The following CPNE4 variants were observed in gnomAD, a reference collection of about 807,000 sequenced individuals.
CPNE4 encodes copine 4.
Under a neutral mutation model 67.9 loss-of-function variants are expected in CPNE4, and 25 were observed. The observed-to-expected ratio is 0.37, with a 90% CI of 0.27 to 0.51. The LOEUF is 0.51. CPNE4 is among the 20% of genes least tolerant of loss of function. CPNE4 has a pLI of 0.93. For missense variants in CPNE4, 464 were observed against 690.8 expected, an observed-to-expected ratio of 0.67 and a Z score of 3.68; for synonymous variants, 242 against 244.9, an observed-to-expected ratio of 0.99 and a Z score of 0.11.
chr3:132,005,739 A>T (rs2073583338), intron 1 of CPNE4, among the ~76,000 whole-genome samples: 2 of 151,966 alleles, frequency 1.3e-5, no homozygotes, highest in South Asian at 4.1e-4. Context: ...CCTACGTATA[A>T]AAAAGACAGC....
At chr3:131,628,489 T>G (rs1353383001) in intron 7 of CPNE4, among the ~76,000 whole-genome samples, 1 of 152,308 alleles carries the variant, frequency 6.6e-6, no homozygotes, top group Non-Finnish European at 1.5e-5. Context: ...CTCCTCCTTG[T>G]ACCTCTGGTA....
intron 10 of CPNE4, among the ~76,000 whole-genome samples, chr3:131,566,633 T>A (rs1471094443): frequency 9.9e-5 from 15 of 151,856 alleles, no homozygotes; most frequent in Admixed American, 9.9e-4. Flanking sequence ...AGAGGAGCAC[T>A]CCAGAGATGT....
At chr3:131,682,713 C>T (rs2080787891) in intron 6 of CPNE4, among the ~76,000 whole-genome samples, 1 of 152,086 alleles carries the variant, frequency 6.6e-6, no homozygotes, top group Non-Finnish European at 1.5e-5. Context: ...CTATGTCCTT[C>T]CCTTCAGGTT....
At chr3:131,931,245 C>T (rs2071051270) in intron 1 of CPNE4, among the ~76,000 whole-genome samples, 1 of 152,060 alleles carries the variant, frequency 6.6e-6, no homozygotes, top group Admixed American at 6.6e-5. Context: ...CCTCAGCATA[C>T]AAATACTGCA....
At chr3:131,989,323 G>T (rs190320553) in intron 1 of CPNE4, among the ~76,000 whole-genome samples, 16 of 152,306 alleles carry the variant, frequency 1.1e-4, no homozygotes, top group African/African-American at 3.4e-4. Context: ...TCAACTAAGT[G>T]CCCCTAAAGG....
intron 2 of CPNE4, among the ~76,000 whole-genome samples, chr3:131,836,828 A>C (rs775622584): frequency 2.6e-5 from 4 of 152,210 alleles, no homozygotes; most frequent in Admixed American, 6.5e-5. Flanking sequence ...CATATGTCCA[A>C]CAAAAGACTT....
chr3:131,618,720 C>G (rs78904402), intron 7 of CPNE4, among the ~76,000 whole-genome samples: 4,130 of 152,266 alleles, frequency 0.027, 63 homozygotes, highest in East Asian at 0.043. Flanking sequence ...TTTCACAATG[C>G]CTGGCATATC....
chr3:131,975,916 C>T (rs549277937), intron 1 of CPNE4, among the ~76,000 whole-genome samples: 1 of 151,958 alleles, frequency 6.6e-6, no homozygotes, highest in East Asian at 1.9e-4. Context: ...ACATAATAAA[C>T]AATAAATTAA....
At chr3:131,685,535 G>A (rs1423247205) in intron 6 of CPNE4, among the ~76,000 whole-genome samples, 1 of 152,154 alleles carries the variant, frequency 6.6e-6, no homozygotes, top group African/African-American at 2.4e-5. Context: ...TGTAATCCCA[G>A]CACTTTGGGA....
At chr3:131,772,325 CCATT>C (rs2107835567) in intron 2 of CPNE4, among the ~76,000 whole-genome samples, 1 of 152,206 alleles carries the variant, frequency 6.6e-6, no homozygotes, top group East Asian at 1.9e-4. Flanking sequence ...TTTATTATAA[CCATT>C]AATTGGTATT....
At chr3:131,767,003 C>CAGTTA (rs1189241464) in intron 2 of CPNE4, among the ~76,000 whole-genome samples, 1 of 152,064 alleles carries the variant, frequency 6.6e-6, no homozygotes, top group Non-Finnish European at 1.5e-5. Flanking sequence ...AAAACGAAAA[C>CAGTTA]AGTTAGATTT....
intron 1 of CPNE4, among the ~76,000 whole-genome samples, chr3:132,034,272 C>T (rs1240595398): frequency 6.6e-6 from 1 of 152,108 alleles, no homozygotes; most frequent in African/African-American, 2.4e-5. Context: ...CTATCCCTCA[C>T]CCGTGCCATG....
intron 7 of CPNE4, among the ~76,000 whole-genome samples, chr3:131,626,249 G>A (rs895415724): frequency 6.6e-6 from 1 of 152,182 alleles, no homozygotes; most frequent in African/African-American, 2.4e-5. Flanking sequence ...AAGCTATTAA[G>A]CTTGGTGGGG....
At chr3:131,785,698 T>C (rs2083544170) in intron 2 of CPNE4, among the ~76,000 whole-genome samples, 1 of 149,626 alleles carries the variant, frequency 6.7e-6, no homozygotes, top group South Asian at 2.1e-4. Context: ...TCTCTCTCTC[T>C]CATGGTGGCT....
chr3:131,660,382 C>T (rs906330389), intron 7 of CPNE4, among the ~76,000 whole-genome samples: 20 of 152,098 alleles, frequency 1.3e-4, no homozygotes, highest in African/African-American at 4.6e-4. Context: ...CATGAAGGGG[C>T]AGAATTTTCT....
In CPNE4 at chr3:131,715,999, G is replaced by A. The variant is rs188244510; in HGVS notation, c.360+7447C>T. On this transcript the variant is annotated intron_variant, in intron 3 of 15. Coordinates refer to ENST00000429747, the MANE Select transcript of CPNE4 (RefSeq NM_130808.3). ...CGTGATGCATCCCCCTCATCCATCT[G>A]TCAAGAATGGTCAATTCTCCTTGAG... Among the ~76,000 whole-genome samples, 542 of 152,268 alleles carry A rather than the reference G, an allele frequency of 3.6e-3. 1 individual carries two copies. The highest frequency in any genetic ancestry group is 5.5e-3 in the Non-Finnish European group (377 of 68,026).
intron 2 of CPNE4, among the ~76,000 whole-genome samples, chr3:131,737,230 TCTC>T (rs2107771922): frequency 6.7e-6 from 1 of 148,396 alleles, no homozygotes; most frequent in African/African-American, 2.5e-5. Flanking sequence ...TTCAAGCAAT[TCTC>T]CTGCCTCAGC....
At chr3:132,026,181 G>C (rs1174971764) in intron 1 of CPNE4, among the ~76,000 whole-genome samples, 1 of 152,216 alleles carries the variant, frequency 6.6e-6, no homozygotes, top group Non-Finnish European at 1.5e-5. Context: ...CCTGGATGCA[G>C]GATATTTGCT....
chr3:131,694,376 A>G (rs2081102761), intron 5 of CPNE4, among the ~76,000 whole-genome samples: 2 of 152,182 alleles, frequency 1.3e-5, no homozygotes, highest in Non-Finnish European at 1.5e-5. Flanking sequence ...TGAAATAATT[A>G]TATTATTTTA....
Sources: allele counts gnomAD v4.1 joint callset (sites outside exome capture counted in the v4.1 genomes callset), GRCh38; gene constraint gnomAD v4.1.1; transcripts MANE v1.5; gene names NCBI Gene and HGNC (gene_info 2026-07-23, HGNC 2026-07-21).